FARS2: variants seen among roughly 807,000 people sequenced by gnomAD.
The protein encoded by FARS2 is phenylalanyl-tRNA synthetase 2, mitochondrial.
In FARS2, 40 loss-of-function variants were observed where a neutral mutation model predicts 46.4. The observed-to-expected ratio is 0.86, with a 90% confidence interval of 0.67 to 1.12. The LOEUF (loss-of-function observed/expected upper bound fraction) is 1.12, where lower values mean the gene tolerates loss of function less well. FARS2 is among the 50% of genes most tolerant of loss of function. The pLI, the probability that FARS2 is intolerant of heterozygous loss-of-function variation, is 0.00. For synonymous variants in FARS2, 234 were observed against 214.9 expected, an observed-to-expected ratio of 1.09 and a Z score of -0.78; for missense variants, 513 against 567.9, an observed-to-expected ratio of 0.90 and a Z score of 0.98.
chr6:5,453,759 G>A (rs1434460854), intron 4 of FARS2, among the ~76,000 whole-genome samples: 2 of 152,148 alleles, frequency 1.3e-5, no homozygotes, highest in African/African-American at 4.8e-5. Context: ...TGGTACCAAG[G>A]TATGTAGGAA....
At chr6:5,683,059 GGCCTCA>G (rs1779114299) in intron 6 of FARS2, among the ~76,000 whole-genome samples, 1 of 152,196 alleles carries the variant, frequency 6.6e-6, no homozygotes, top group African/African-American at 2.4e-5. Context: ...GGGCTGTGTG[GGCCTCA>G]GCCTGGGGTC....
At chr6:5,728,453 G>A (rs1760411490) in intron 6 of FARS2, among the ~76,000 whole-genome samples, 1 of 152,138 alleles carries the variant, frequency 6.6e-6, no homozygotes, top group African/African-American at 2.4e-5. Flanking sequence ...ATGACAGGGA[G>A]GGGGTGAGGA....
chr6:5,314,540 A>G (rs917905306), intron 1 of FARS2, among the ~76,000 whole-genome samples: 1 of 152,170 alleles, frequency 6.6e-6, no homozygotes, highest in African/African-American at 2.4e-5. Context: ...CTGAGCACTT[A>G]CCTTTTAGGA....
chr6:5,609,286 G>T lies in FARS2; in HGVS notation c.1066-3883G>T, dbSNP rs1471924852. The T allele has an allele frequency of 8.5e-6, 9 of 1,056,964 alleles. No homozygotes were observed. In the East Asian group the frequency reaches 2.1e-4, roughly 25 times the overall value. The allele number at this position is 1,056,964 out of a possible 1,614,324, so 65.5% of individuals were successfully genotyped here. A position where few individuals can be genotyped will look rare whatever the true frequency, so the allele number is the denominator to read the frequency against. Reference sequence around the variant, plus strand: ...CTACTGGAACTGCCCTAGCCACCTTGGTTTCATGGTTTGGCAAAGTATTGG... The same window carrying T: ...CTACTGGAACTGCCCTAGCCACCTTTGTTTCATGGTTTGGCAAAGTATTGG... On this transcript the variant is annotated intron_variant, in intron 5 of 6. Transcript: ENST00000274680.
intron 6 of FARS2, among the ~76,000 whole-genome samples, chr6:5,642,458 A>C (rs187370435): frequency 1.4e-4 from 22 of 152,096 alleles, no homozygotes; most frequent in African/African-American, 4.6e-4. Flanking sequence ...AATGTTACTA[A>C]AAAAAAATTG....
At chr6:5,691,801 G>A (rs1757746278) in intron 6 of FARS2, among the ~76,000 whole-genome samples, 1 of 152,212 alleles carries the variant, frequency 6.6e-6, no homozygotes, top group Admixed American at 6.5e-5. Flanking sequence ...GTCTACAGAG[G>A]CAGGCAGACC....
chr6:5,351,986 A>G (rs1203082995), intron 1 of FARS2, among the ~76,000 whole-genome samples: 1 of 152,194 alleles, frequency 6.6e-6, no homozygotes, highest in African/African-American at 2.4e-5. Context: ...CTGGAAATAG[A>G]GATTTGAAAA....
intron 5 of FARS2, among the ~76,000 whole-genome samples, chr6:5,571,066 A>C (rs1449908973): frequency 6.6e-6 from 1 of 152,230 alleles, no homozygotes; most frequent in Non-Finnish European, 1.5e-5. Context: ...TCAAACGGTT[A>C]TTCATTTATT....
intron 6 of FARS2, among the ~76,000 whole-genome samples, chr6:5,724,482 C>T (rs1582835016): frequency 6.6e-6 from 1 of 152,212 alleles, no homozygotes; most frequent in Non-Finnish European, 1.5e-5. Flanking sequence ...TCTGAGTCCC[C>T]AGGGTGGCCC....
At chr6:5,462,385 A>T (rs1765291710) in intron 4 of FARS2, among the ~76,000 whole-genome samples, 1 of 152,022 alleles carries the variant, frequency 6.6e-6, no homozygotes, top group South Asian at 2.1e-4. Context: ...TGAAATTTTA[A>T]ATTTTAATGA....
At chr6:5,691,802 C>T (rs1272032722) in intron 6 of FARS2, among the ~76,000 whole-genome samples, 1 of 152,226 alleles carries the variant, frequency 6.6e-6, no homozygotes, top group African/African-American at 2.4e-5. Context: ...TCTACAGAGG[C>T]AGGCAGACCT....
In FARS2 at chr6:5,743,480, C is replaced by T. The variant is rs536937909; in HGVS notation, c.1218-27811C>T. 7.4e-4 allele frequency among the ~76,000 whole-genome samples: 113 copies of T among 152,324 alleles called. 1 individual carries two copies. The South Asian group carries it at 0.015, about 21-fold the overall frequency. ...TTACAGGAGCACTTCCTAGTTTTGT[C>T]GTCCCTTTGCAACTGTATAGAACAG... is the stretch of plus-strand genomic sequence containing the variant. On this transcript the variant is annotated intron_variant, in intron 6 of 6. Coordinates refer to ENST00000274680, the MANE Select transcript of FARS2 (RefSeq NM_006567.5).
intron 6 of FARS2, among the ~76,000 whole-genome samples, chr6:5,702,944 A>G (rs760112510): frequency 6.6e-6 from 1 of 152,070 alleles, no homozygotes; most frequent in Non-Finnish European, 1.5e-5. Flanking sequence ...ATTTCATATG[A>G]AGGGACTTTG....
chr6:5,329,126 A>G (rs535349940), intron 1 of FARS2, among the ~76,000 whole-genome samples: 19 of 151,726 alleles, frequency 1.3e-4, no homozygotes, highest in South Asian at 2.1e-4. Flanking sequence ...TGTTGTTTCT[A>G]TATTAAAAAA....
chr6:5,369,290 A>G (rs1243952331), intron 2 of FARS2, 108 bp downstream of exon 2: 1 of 1,175,216 alleles, frequency 8.5e-7, no homozygotes, highest in Admixed American at 2.4e-5. Context: ...TGCTTGCCTT[A>G]TTTTGCCTTA....
chr6:5,279,126 C>T (rs1254458187), intron 1 of FARS2, among the ~76,000 whole-genome samples: 1 of 151,966 alleles, frequency 6.6e-6, no homozygotes, highest in Admixed American at 6.6e-5. Flanking sequence ...GCCTGTAACC[C>T]CAGCATTTTG....
intron 1 of FARS2, among the ~76,000 whole-genome samples, chr6:5,365,987 C>G (rs1758650318): frequency 1.3e-5 from 2 of 151,894 alleles, no homozygotes; most frequent in Non-Finnish European, 2.9e-5. Context: ...CTTGCCTTCT[C>G]AGGGGTGGCA....
chr6:5,514,408 A>T (rs551485041), intron 4 of FARS2, among the ~76,000 whole-genome samples: 1 of 152,308 alleles, frequency 6.6e-6, no homozygotes, highest in Admixed American at 6.5e-5. Context: ...GCCTAATTGC[A>T]TTTATTATTT....
At chr6:5,292,334 A>C (rs1425807282) in intron 1 of FARS2, among the ~76,000 whole-genome samples, 1 of 152,262 alleles carries the variant, frequency 6.6e-6, no homozygotes, top group Non-Finnish European at 1.5e-5. Flanking sequence ...CCTGGAGAGC[A>C]GGCCAGAGGC....
Sources: allele counts gnomAD v4.1 joint callset (sites outside exome capture counted in the v4.1 genomes callset), GRCh38; gene constraint gnomAD v4.1.1; transcripts MANE v1.5; gene names NCBI Gene and HGNC (gene_info 2026-07-23, HGNC 2026-07-21).